RACK1: variants seen among roughly 807,000 people sequenced by gnomAD.
RACK1 encodes small ribosomal subunit protein RACK1.
In RACK1, 3 loss-of-function variants were observed where a neutral mutation model predicts 42.2. The ratio of observed to expected loss-of-function variants is 0.07; its 90% CI spans 0.03 to 0.18. RACK1 has a LOEUF of 0.18. Among genes scored for constraint, RACK1 ranks in the 10% least tolerant of loss-of-function variants. The pLI, the probability that RACK1 is intolerant of heterozygous loss-of-function variation, is 1.00. For synonymous variants in RACK1, 181 were observed against 154.8 expected (o/e 1.17, Z -1.25); for missense variants, 146 against 403.2 (o/e 0.36, Z 5.46).
At chr5:181,241,213 G>A in intron 3 of RACK1, 2 of 280,700 alleles carry the variant, frequency 7.1e-6, no homozygotes, top group Non-Finnish European at 1.3e-5. Context: ...CAAATCGCCT[G>A]AGCCCAGGAG....
chr5:181,241,156 T>C (rs1024543569), intron 3 of RACK1: 3 of 165,246 alleles, frequency 1.8e-5, no homozygotes, highest in Non-Finnish European at 3.7e-5. Context: ...GATAGGCAGG[T>C]GGGGGCTCAC....
At chr5:181,238,748 G>A (rs1227659931) in intron 5 of RACK1, 6 of 376,818 alleles carry the variant, frequency 1.6e-5, no homozygotes, top group Non-Finnish European at 2.5e-5. Context: ...GCAGTGAGCC[G>A]AGATCGCGCC....
At chr5:181,238,473 C>T in intron 5 of RACK1, 1 of 486,668 alleles carries the variant, frequency 2.1e-6, no homozygotes, top group East Asian at 3.8e-5. Context: ...CCAATCATTT[C>T]TGAAAACCAG....
intron 3 of RACK1, 175 bp downstream of exon 3, chr5:181,241,316 GC>G (rs1231781867): frequency 1.7e-6 from 1 of 600,184 alleles, no homozygotes; most frequent in East Asian, 2.8e-5. Context: ...TGTAGTACCA[GC>G]TACTCGGGAG....
chr5:181,239,516 C>T lies in RACK1; in HGVS notation c.496G>A (p.Val166Ile). The T allele has an allele frequency of 1.9e-6, 3 of 1,613,708 alleles. No homozygotes were observed. The highest frequency in any genetic ancestry group is 2.5e-6 in the Non-Finnish European group (3 of 1,179,720). ...ACCAGCTTGTCCCAGCCACAGGAGA[C>T]GATGATAGGGTTGCTGCTGTTGGGC... is the stretch of plus-strand genomic sequence containing the variant. ...FSPNSSNPII[V>I]SCGWDKLVKV... Residue 166 changes from valine (V) to isoleucine (I), a missense_variant, in exon 4 of 8, where the codon GTC becomes ATC. Val to Ile is a conservative substitution (Grantham distance 29). Transcript: ENST00000512805.
At chr5:181,237,513 C>T (rs1382107301) in intron 7 of RACK1, 96 bp downstream of exon 7, 1 of 765,460 alleles carries the variant, frequency 1.3e-6, no homozygotes. Context: ...ATGCCAAGGA[C>T]ACTGCTCTTG....
chr5:181,239,351 C>G (rs146971141), intron 4 of RACK1, 136 bp downstream of exon 4: 2 of 781,004 alleles, frequency 2.6e-6, no homozygotes, highest in Non-Finnish European at 4.6e-6. Context: ...TGCTGACTTA[C>G]AAGGGACATC....
intron 3 of RACK1, 92 bp downstream of exon 3, chr5:181,241,400 A>G: frequency 1.7e-6 from 2 of 1,180,606 alleles, no homozygotes; most frequent in Non-Finnish European, 2.4e-6. Flanking sequence ...ACTGCACTCC[A>G]GCTTGGGCAA....
intron 1 of RACK1, 150 bp from the exon 2 acceptor site, chr5:181,242,495 C>T: frequency 1.5e-6 from 1 of 669,466 alleles, no homozygotes. Flanking sequence ...AGAGCAGTTA[C>T]AGACCAGGAC....
chr5:181,243,310 G>A (rs767225322), intron 1 of RACK1: 4 of 1,360,720 alleles, frequency 2.9e-6, no homozygotes, highest in Non-Finnish European at 3.9e-6. Flanking sequence ...TGGGCCGGGC[G>A]GCAGCTCAGA....
chr5:181,238,338 C>CTA (rs1306652448), intron 5 of RACK1, 99 bp from the exon 6 acceptor site: 19 of 1,256,126 alleles, frequency 1.5e-5, no homozygotes, highest in Middle Eastern at 1.9e-4. Flanking sequence ...ACCTTTCCTC[C>CTA]ATTACCCCAG....
chr5:181,241,761 G>C, intron 2 of RACK1, 122 bp from the exon 3 acceptor site: 1 of 1,066,816 alleles, frequency 9.4e-7, no homozygotes. Context: ...ATTTGGCTCT[G>C]ATCACAGAGT....
chr5:181,237,816 T>A, intron 6 of RACK1, 97 bp from the exon 7 acceptor site: 1 of 782,060 alleles, frequency 1.3e-6, no homozygotes, highest in Non-Finnish European at 2.2e-6. Context: ...GGGATGATTT[T>A]GCTCCCTGGG....
Position 181,242,198 on chromosome 5 carries a change from G to T in RACK1, c.257C>A (p.Thr86Asn). ...QFALSGSWDG[T>N]LRLWDLTTGT... ...CGTTGTGAGATCCCAGAGGCGCAGG[G>T]TTCCATCCCAGGAGCCTGAGAGGGC... The change falls in exon 2 of 8, where the codon ACC becomes AAC. Residue 86 changes from threonine to asparagine, a missense_variant. Thr to Asn is a moderately conservative substitution (Grantham distance 65). Coordinates refer to ENST00000512805, the MANE Select transcript of RACK1 (RefSeq NM_006098.5). 6.2e-7 allele frequency: 1 copy of T among 1,613,612 alleles called. No individual in the cohort carries two copies. The highest frequency in any genetic ancestry group is 1.3e-5 in the African/African-American group (1 of 75,044).
In RACK1 at chr5:181,236,925, A is replaced by G. The variant is rs1561678259; in HGVS notation, c.*52T>C. 4 of 1,554,490 alleles carry G rather than the reference A, an allele frequency of 2.6e-6. No homozygotes were observed. Among genetic ancestry groups the G allele is most frequent in the East Asian group, 2.3e-5 (1 of 44,170 alleles). ...TTTGCATATAAGAAAAAAAAACCTA[A>G]AAGTCAGAAAAGCCAGTTTTTTTTT... On this transcript the variant is annotated 3_prime_UTR_variant, in exon 8 of 8. Coordinates refer to ENST00000512805, the MANE Select transcript of RACK1 (RefSeq NM_006098.5).
chr5:181,239,624 C>T (rs753177446), intron 3 of RACK1, 42 bp from the exon 4 acceptor site: 3 of 1,325,738 alleles, frequency 2.3e-6, no homozygotes, highest in Non-Finnish European at 3.3e-6. Flanking sequence ...CAGTCCTATC[C>T]CATGAAATGC....
intron 7 of RACK1, 166 bp downstream of exon 7, chr5:181,237,441 AAC>A (rs1759182314): frequency 1.5e-6 from 1 of 671,136 alleles, no homozygotes; most frequent in Non-Finnish European, 2.7e-6. Context: ...CTGATGCAGA[AAC>A]ACATTCACTG....
intron 7 of RACK1, 171 bp from the exon 8 acceptor site, chr5:181,237,213 A>G (rs1397000282): frequency 1.5e-6 from 2 of 1,293,070 alleles, no homozygotes; most frequent in Admixed American, 3.9e-5. Context: ...GCAGTTCAAG[A>G]GATCCTCCCA....
At chr5:181,237,072 A>T in intron 7 of RACK1, 30 bp from the exon 8 acceptor site, 1 of 1,611,936 alleles carries the variant, frequency 6.2e-7, no homozygotes, top group African/African-American at 1.3e-5. Flanking sequence ...GTGACAGGTC[A>T]GGCTGGCATA....
Sources: gnomAD v4.1 joint callset for allele counts on GRCh38, gnomAD v4.1.1 for gene constraint, MANE v1.5 for transcripts, NCBI Gene and HGNC (gene_info 2026-07-23, HGNC 2026-07-21) for gene names.